FRMD4B: variants seen among roughly 807,000 people sequenced by gnomAD.
The protein encoded by FRMD4B is FERM domain containing 4B.
A neutral mutation model predicts 141.5 loss-of-function variants in FRMD4B; 74 were observed. The observed-to-expected ratio is 0.52, with a 90% CI of 0.43 to 0.63. FRMD4B has a LOEUF of 0.63. Among genes scored for constraint, FRMD4B ranks in the 30% least tolerant of loss-of-function variants. FRMD4B has a pLI of 0.00. For missense variants in FRMD4B, 1,366 were observed against 1,253.4 expected (o/e 1.09, Z -1.36); for synonymous variants, 506 against 467.9 (o/e 1.08, Z -1.05).
intron 10 of FRMD4B, among the ~76,000 whole-genome samples, chr3:69,216,899 C>T (rs1311753837): frequency 6.6e-6 from 1 of 151,844 alleles, no homozygotes; most frequent in Non-Finnish European, 1.5e-5. Context: ...TAAAGCATTA[C>T]TGTTTTGATT....
chr3:69,334,067 A>G (rs953343246), intron 1 of FRMD4B: 1 of 152,202 alleles, frequency 6.6e-6, no homozygotes, highest in Non-Finnish European at 1.5e-5. Flanking sequence ...TGTGCTGGCC[A>G]CTGGATATGG....
chr3:69,516,787 C>A (rs1391780694), intron 1 of FRMD4B, among the ~76,000 whole-genome samples: 1 of 152,174 alleles, frequency 6.6e-6, no homozygotes, highest in Admixed American at 6.5e-5. Context: ...AATAATTAAT[C>A]ATCAGTGAAA....
chr3:69,439,375 CT>C (rs1705310004), intron 1 of FRMD4B, among the ~76,000 whole-genome samples: 3 of 152,254 alleles, frequency 2.0e-5, no homozygotes, highest in African/African-American at 7.2e-5. Context: ...GGGGCACAAC[CT>C]ACATGAGAGT....
chr3:69,400,771 C>T (rs1396315634), intron 2 of FRMD4B, among the ~76,000 whole-genome samples: 1 of 152,172 alleles, frequency 6.6e-6, no homozygotes, highest in Non-Finnish European at 1.5e-5. Flanking sequence ...CATATTTGGT[C>T]CTCCTAAGTG....
chr3:69,196,597 A>C, intron 13 of FRMD4B: 1 of 588,336 alleles, frequency 1.7e-6, no homozygotes, highest in Non-Finnish European at 2.9e-6. Flanking sequence ...ACTATACGTG[A>C]TTTTCTCATG....
intron 1 of FRMD4B, among the ~76,000 whole-genome samples, chr3:69,339,299 T>A (rs1046036697): frequency 6.6e-6 from 1 of 152,156 alleles, no homozygotes; most frequent in Non-Finnish European, 1.5e-5. Context: ...GTTCCACATG[T>A]GGGGAGGCGA....
intron 1 of FRMD4B, among the ~76,000 whole-genome samples, chr3:69,327,515 T>C (rs1008528604): frequency 2.0e-5 from 3 of 152,222 alleles, no homozygotes; most frequent in Non-Finnish European, 4.4e-5. Context: ...ATGGAGTACA[T>C]GCTTACTCTC....
upstream of FRMD4B, among the ~76,000 whole-genome samples, chr3:69,390,621 G>A (rs11706729): frequency 0.12 from 17,585 of 152,022 alleles, 1,406 homozygotes; most frequent in Non-Finnish European, 0.17. Context: ...GGCCAGGCAC[G>A]GTGGCTCATG....
At chr3:69,190,435 G>C (rs1040222366) in intron 17 of FRMD4B, among the ~76,000 whole-genome samples, 1 of 150,238 alleles carries the variant, frequency 6.7e-6, no homozygotes, top group African/African-American at 2.5e-5. Flanking sequence ...TTGTTTATGG[G>C]ACAGAGTCTC....
chr3:69,355,964 G>A (rs546840590), intron 1 of FRMD4B, among the ~76,000 whole-genome samples: 16 of 152,154 alleles, frequency 1.1e-4, no homozygotes, highest in Non-Finnish European at 2.1e-4. Context: ...GCCGGAGGTT[G>A]CAGTGAGCTG....
chr3:69,522,847 C>A (rs745986230), intron 1 of FRMD4B, among the ~76,000 whole-genome samples: 10 of 152,112 alleles, frequency 6.6e-5, no homozygotes, highest in Non-Finnish European at 1.3e-4. Context: ...GGATCACAGT[C>A]CAGCACATAG....
intron 1 of FRMD4B, among the ~76,000 whole-genome samples, chr3:69,465,155 C>T (rs980042083): frequency 6.6e-5 from 10 of 151,946 alleles, no homozygotes; most frequent in Admixed American, 3.9e-4. Context: ...CCCGTCTCTA[C>T]TAAAAATGCA....
At chr3:69,227,249 G>C (rs974097191) in intron 7 of FRMD4B, among the ~76,000 whole-genome samples, 2 of 152,168 alleles carry the variant, frequency 1.3e-5, no homozygotes, top group African/African-American at 2.4e-5. Flanking sequence ...AGATAATGAT[G>C]AATATTCATT....
Position 69,198,780 on chromosome 3 carries a change from G to A in FRMD4B, c.877-6C>T, listed in dbSNP as rs2107662180. On this transcript the variant is annotated splice_region_variant and splice_polypyrimidine_tract_variant and intron_variant, in intron 11 of 22. Transcript: ENST00000398540. Reference sequence around the variant, plus strand: ...AGCTGTTTCCATTGGAATAACTAAAGAAAACAGAAAAGCCAGGAAGTATTA... The same window carrying A: ...AGCTGTTTCCATTGGAATAACTAAAAAAAACAGAAAAGCCAGGAAGTATTA... The A allele has an allele frequency of 7.1e-7, 1 of 1,413,904 alleles. No individual in the cohort carries two copies. Among genetic ancestry groups the A allele is most frequent in the Non-Finnish European group, 9.8e-7 (1 of 1,016,802 alleles). 87.6% of individuals were successfully genotyped at this position (1,413,904 alleles called of 1,614,324 possible). A position where few individuals can be genotyped will look rare whatever the true frequency, so the allele number is the denominator to read the frequency against.
chr3:69,306,908 C>G (rs768300645), intron 3 of FRMD4B, among the ~76,000 whole-genome samples: 1 of 152,128 alleles, frequency 6.6e-6, no homozygotes, highest in African/African-American at 2.4e-5. Flanking sequence ...AAAGAAAATA[C>G]TTTCCAAAAA....
At chr3:69,355,011 G>A (rs1490531653) in intron 1 of FRMD4B, among the ~76,000 whole-genome samples, 1 of 136,594 alleles carries the variant, frequency 7.3e-6, no homozygotes, top group Admixed American at 7.2e-5. Flanking sequence ...TATACTTGTA[G>A]GATAAATGGA....
intron 1 of FRMD4B, among the ~76,000 whole-genome samples, chr3:69,477,204 C>A (rs1337303928): frequency 6.7e-6 from 1 of 148,428 alleles, no homozygotes; most frequent in Non-Finnish European, 1.5e-5. Context: ...ATTTCCTTCT[C>A]CTGCCTGATT....
At chr3:69,459,457 C>A (rs189192058) in intron 1 of FRMD4B, among the ~76,000 whole-genome samples, 422 of 152,338 alleles carry the variant, frequency 2.8e-3, no homozygotes, top group African/African-American at 9.9e-3. Context: ...CCTTAATCCT[C>A]TCATACATTC....
chr3:69,219,805 T>G (rs1274125770), intron 9 of FRMD4B, among the ~76,000 whole-genome samples: 1 of 152,120 alleles, frequency 6.6e-6, no homozygotes, highest in East Asian at 1.9e-4. Flanking sequence ...CCAGTAAGTG[T>G]TGTTCTCCTC....
Sources: allele counts gnomAD v4.1 joint callset (sites outside exome capture counted in the v4.1 genomes callset), GRCh38; gene constraint gnomAD v4.1.1; transcripts MANE v1.5; gene names NCBI Gene and HGNC (gene_info 2026-07-23, HGNC 2026-07-21).